WDR36: variants seen among roughly 807,000 people sequenced by gnomAD.
WDR36 encodes WD repeat-containing protein 36.
A neutral mutation model predicts 112.7 loss-of-function variants in WDR36; 63 were observed. That is an observed-to-expected ratio of 0.56 (90% confidence interval 0.46 to 0.69). The LOEUF is 0.69. WDR36 is among the 30% of genes least tolerant of loss of function. WDR36 has a pLI of 0.00. For missense variants in WDR36, 1,226 were observed against 1,070.3 expected (o/e 1.15, Z -2.03); for synonymous variants, 410 against 362.2 (o/e 1.13, Z -1.50).
chr5:111,100,578 C>T lies in WDR36; in HGVS notation c.410-11C>T. 1.3e-6 allele frequency: 2 copies of T among 1,502,314 alleles called. No individual in the cohort carries two copies. Among genetic ancestry groups the T allele is most frequent in the Admixed American group, 1.9e-5 (1 of 52,378 alleles). 93.1% of individuals were successfully genotyped at this position (1,502,314 alleles called of 1,614,324 possible). The stretch of plus-strand genomic sequence containing the variant: ...TTTTATAAAAAATATTTATAACTTT[C>T]ACTTTTGTAGAAGAATACCTGCAGT... On this transcript the variant is annotated splice_polypyrimidine_tract_variant and intron_variant, in intron 4 of 22. Transcript: ENST00000513710.
chr5:111,100,452 A>G (rs1753100665), intron 4 of WDR36, 137 bp from the exon 5 acceptor site: 1 of 527,424 alleles, frequency 1.9e-6, no homozygotes, highest in Non-Finnish European at 3.2e-6. Context: ...ATGTTTATAG[A>G]TTAGTATCTA....
intron 12 of WDR36, 61 bp downstream of exon 12, chr5:111,107,500 A>G (rs1235060214): frequency 1.1e-5 from 18 of 1,583,426 alleles, no homozygotes; most frequent in Admixed American, 1.7e-5. Flanking sequence ...AAATCTTGTT[A>G]TACTCAAGGT....
chr5:111,104,887 T>G, intron 9 of WDR36, 70 bp downstream of exon 9: 1 of 1,598,846 alleles, frequency 6.3e-7, no homozygotes, highest in South Asian at 1.1e-5. Context: ...GTATGAGGTT[T>G]GATATTTACA....
chr5:111,100,739 A>C lies in WDR36; in HGVS notation c.542+18A>C. 6.2e-7 allele frequency: 1 copy of C among 1,605,566 alleles called. No individual in the cohort carries two copies. Among genetic ancestry groups the C allele is most frequent in the African/African-American group, 1.3e-5 (1 of 74,766 alleles). On this transcript the variant is annotated intron_variant, in intron 5 of 22. Transcript: ENST00000513710. Reference sequence around the variant, plus strand: ...AAATCCAAGTAAGTATTTTAGTTAGAAAATAATATAGCTGTCACCTTATCC... The same window carrying C: ...AAATCCAAGTAAGTATTTTAGTTAGCAAATAATATAGCTGTCACCTTATCC...
At chr5:111,105,890 T>C (rs1208316209) in intron 10 of WDR36, among the ~76,000 whole-genome samples, 167 bp from the exon 11 acceptor site, 2 of 151,600 alleles carry the variant, frequency 1.3e-5, no homozygotes, top group East Asian at 3.9e-4. Context: ...AAATAACTTT[T>C]CTTAGAATTA....
chr5:111,094,956 G>T lies in WDR36; in HGVS notation c.190+9G>T. On this transcript the variant is annotated intron_variant, in intron 2 of 22. Coordinates refer to ENST00000513710, the MANE Select transcript of WDR36 (RefSeq NM_139281.3). ...TAGTCTGGTTGCAGTAAGTAAGTATGGACTTTATTCTGAATTTATGCACAT... is the reference window on the plus strand; with the variant it reads ...TAGTCTGGTTGCAGTAAGTAAGTATTGACTTTATTCTGAATTTATGCACAT... The T allele has an allele frequency of 6.2e-7, 1 of 1,605,036 alleles. No individual in the cohort carries two copies.
Position 111,106,043 on chromosome 5 carries a change from T to A in WDR36, c.1094-14T>A. 1.9e-6 allele frequency: 3 copies of A among 1,591,898 alleles called. No homozygotes were observed. Among genetic ancestry groups the A allele is most frequent in the Non-Finnish European group, 1.7e-6 (2 of 1,160,922 alleles). On this transcript the variant is annotated splice_polypyrimidine_tract_variant and intron_variant, in intron 10 of 22. Transcript: ENST00000513710. ...ATTCATAGCTATGTATGTTCCCCTT[T>A]CCCCCATCCTTAGGATTAATAAATA... is the stretch of plus-strand genomic sequence containing the variant.
intron 12 of WDR36, among the ~76,000 whole-genome samples, chr5:111,109,892 G>T (rs1053720042): frequency 9.3e-5 from 14 of 151,200 alleles, no homozygotes; most frequent in Non-Finnish European, 1.9e-4. Flanking sequence ...AAAATTGAAG[G>T]CTAGTCCCAT....
At chr5:111,100,416 C>G (rs1274064034) in intron 4 of WDR36, among the ~76,000 whole-genome samples, 173 bp from the exon 5 acceptor site, 1 of 151,450 alleles carries the variant, frequency 6.6e-6, no homozygotes, top group East Asian at 1.9e-4. Context: ...TACAAGTTGC[C>G]TCTCATTTAT....
At chr5:111,093,640 C>A (rs909583569) in intron 1 of WDR36, among the ~76,000 whole-genome samples, 1 of 152,146 alleles carries the variant, frequency 6.6e-6, no homozygotes, top group Non-Finnish European at 1.5e-5. Context: ...CTAACTTTTG[C>A]TTTTGCTGGT....
At chr5:111,120,350 C>T in intron 17 of WDR36, 146 bp from the exon 18 acceptor site, 1 of 657,846 alleles carries the variant, frequency 1.5e-6, no homozygotes, top group East Asian at 2.8e-5. Flanking sequence ...TGACATAAGT[C>T]AAGGCGTTTT....
chr5:111,129,948 G>A lies in WDR36; in HGVS notation c.*3065G>A. On this transcript the variant is annotated 3_prime_UTR_variant, in exon 23 of 23. Coordinates refer to ENST00000513710, the MANE Select transcript of WDR36 (RefSeq NM_139281.3). Reference sequence around the variant, plus strand: ...CATTTATTGAAAAGTCCACTCATATGTCTGATTTGAAATGCTGTTTCATTA... The same window carrying A: ...CATTTATTGAAAAGTCCACTCATATATCTGATTTGAAATGCTGTTTCATTA... 4.8e-6 allele frequency: 1 copy of A among 210,438 alleles called. No individual in the cohort carries two copies. The highest frequency in any genetic ancestry group is 9.6e-6 in the Non-Finnish European group (1 of 103,788). The allele number at this position is 210,438 out of a possible 1,614,324, so 13.0% of individuals were successfully genotyped here.
At chr5:111,095,182 A>T in intron 2 of WDR36, 1 of 492,990 alleles carries the variant, frequency 2.0e-6, no homozygotes, top group Non-Finnish European at 3.7e-6. Flanking sequence ...GTGCTTCATG[A>T]CATTGACACA....
In WDR36 at chr5:111,100,719, C is replaced by T; in HGVS notation, c.540C>T (p.Ser180=). The T allele has an allele frequency of 6.2e-7, 1 of 1,607,902 alleles. No homozygotes were observed. The highest frequency in any genetic ancestry group is 8.5e-7 in the Non-Finnish European group (1 of 1,176,016). Residue 180 remains serine (S), a splice_region_variant and synonymous_variant, in exon 5 of 23, where the codon TCC becomes TCT. Coordinates refer to ENST00000513710, the MANE Select transcript of WDR36 (RefSeq NM_139281.3). ...GCCTGCAGTTGTGGAATGTAAAATC[C>T]AAGTAAGTATTTTAGTTAGAAAATA... ...QGSLQLWNVK[S]NKLLYTFPGW...
chr5:111,095,007 A>T, intron 2 of WDR36, 60 bp downstream of exon 2: 1 of 1,482,238 alleles, frequency 6.7e-7, no homozygotes. Context: ...ATTTTGACAT[A>T]AATGTGAGAC....
In WDR36 at chr5:111,096,947, C is replaced by G. The variant is rs187485183; in HGVS notation, c.191-132C>G. 57 of 642,056 alleles carry G rather than the reference C, an allele frequency of 8.9e-5. No homozygotes were observed. In the East Asian group the frequency reaches 1.5e-3, roughly 17 times the overall value. 39.8% of individuals were successfully genotyped at this position (642,056 alleles called of 1,614,324 possible). ...AATATTTTAGTTAAAATTTTATACA[C>G]TGATTCTCAACTTTGATCTTTATTT... On this transcript the variant is annotated intron_variant, in intron 2 of 22. Transcript: ENST00000513710.
chr5:111,092,535 A>T lies in WDR36; in HGVS notation c.79A>T (p.Ile27Phe). The change falls in exon 1 of 23, where the codon ATT (isoleucine) becomes TTT (phenylalanine). Residue 27 changes from isoleucine (I) to phenylalanine (F), a missense_variant. Coordinates refer to ENST00000513710, the MANE Select transcript of WDR36 (RefSeq NM_139281.3). ...GGCCTTGGGACTTTTCAGCAACGAC[A>T]TTCCACACGTGGTGCGGTTCAGCGC... ...FRALGLFSND[I>F]PHVVRFSALK... The T allele has an allele frequency of 6.2e-7, 1 of 1,614,240 alleles. No homozygotes were observed. Among genetic ancestry groups the T allele is most frequent in the Middle Eastern group, 1.7e-4 (1 of 6,060 alleles).
intron 7 of WDR36, 38 bp downstream of exon 7, chr5:111,103,956 A>G: frequency 1.2e-6 from 2 of 1,606,822 alleles, no homozygotes; most frequent in South Asian, 1.1e-5. Context: ...AGTTAAGAAC[A>G]CTTAAAATTC....
rs1447506570 is a variant in WDR36 at position 111,104,210 on chromosome 5, G to A, written c.764G>A (p.Cys255Tyr). 2.3e-5 allele frequency: 37 copies of A among 1,611,450 alleles called. No individual in the cohort carries two copies. The highest frequency in any genetic ancestry group is 2.8e-5 in the Non-Finnish European group (33 of 1,178,334). Residue 255 changes from cysteine (C) to tyrosine (Y), a missense_variant, in exon 8 of 23, where the codon TGT becomes TAT. Physicochemically the swap from Cys to Tyr is radical, Grantham distance 194 (BLOSUM62 -2). Transcript: ENST00000513710. ...GHPVMAAGSP[C>Y]GHIGLWDLED... Reference sequence around the variant, plus strand: ...CCAGTAATGGCAGCTGGAAGCCCATGTGGCCATATTGGACTCTGGGATCTA... The same window carrying A: ...CCAGTAATGGCAGCTGGAAGCCCATATGGCCATATTGGACTCTGGGATCTA...
Sources: allele counts gnomAD v4.1 joint callset (sites outside exome capture counted in the v4.1 genomes callset), GRCh38; gene constraint gnomAD v4.1.1; transcripts MANE v1.5; gene names NCBI Gene and HGNC (gene_info 2026-07-23, HGNC 2026-07-21).